The following KLF12 variants were observed in gnomAD, a reference collection of about 807,000 sequenced individuals.
KLF12 encodes Krueppel-like factor 12.
KLF12 carries 9 observed loss-of-function variants against 37.8 expected under a neutral mutation model. That is an observed-to-expected ratio of 0.24 (90% CI 0.14 to 0.42). The LOEUF is 0.42. Ranked by LOEUF, KLF12 falls within the 10% of genes least tolerant of loss-of-function variation. The pLI, the probability that KLF12 is intolerant of heterozygous loss-of-function variation, is 1.00. For missense variants in KLF12, 411 were observed against 516.0 expected (o/e 0.80, Z 1.97); for synonymous variants, 208 against 202.1 (o/e 1.03, Z -0.25).
chr13:73,731,925 G>C (rs940029879), intron 6 of KLF12, among the ~76,000 whole-genome samples: 1 of 152,064 alleles, frequency 6.6e-6, no homozygotes, highest in Non-Finnish European at 1.5e-5. Context: ...CCTAAGCTTT[G>C]GTTTCTTTTC....
At chr13:73,870,954 T>G (rs143211996) in intron 3 of KLF12, among the ~76,000 whole-genome samples, 5 of 152,340 alleles carry the variant, frequency 3.3e-5, no homozygotes, top group Non-Finnish European at 7.3e-5. Context: ...TTTAACATTT[T>G]TACTTATGCA....
At chr13:73,810,106 A>G (rs1480949507) in intron 5 of KLF12, among the ~76,000 whole-genome samples, 8 of 152,118 alleles carry the variant, frequency 5.3e-5, no homozygotes, top group Admixed American at 5.2e-4. Flanking sequence ...TTAGCTGGGC[A>G]TGGTGGCAGG....
chr13:73,832,262 C>T (rs758289634), intron 4 of KLF12, among the ~76,000 whole-genome samples: 1 of 152,168 alleles, frequency 6.6e-6, no homozygotes, highest in African/African-American at 2.4e-5. Flanking sequence ...TGAAACACTC[C>T]TACCTACTTT....
rs114570211 is a variant in KLF12, at chr13:73,983,968, T to C, written c.33+11022A>G. ...AGCCTTCCTCATGTGGAGACGTCCATTCATGTGACAGCACTGTCCTCTCCA... is the reference window on the plus strand; with the variant it reads ...AGCCTTCCTCATGTGGAGACGTCCACTCATGTGACAGCACTGTCCTCTCCA... On this transcript the variant is annotated intron_variant, in intron 2 of 7. Transcript: ENST00000377669. Among the ~76,000 whole-genome samples, 666 of 152,304 alleles carry C rather than the reference T, an allele frequency of 4.4e-3. 8 individuals carry two copies. Among genetic ancestry groups the C allele is most frequent in the African/African-American group, 0.015 (634 of 41,556 alleles).
rs1418387201 is a variant in KLF12 at position 73,690,918 on chromosome 13, A to G, written c.*4572T>C. 6.6e-6 allele frequency: 1 copy of G among 152,624 alleles called. No individual in the cohort carries two copies. The highest frequency in any genetic ancestry group is 2.4e-5 in the African/African-American group (1 of 41,456). 9.5% of individuals were successfully genotyped at this position (152,624 alleles called of 1,614,324 possible). A position where few individuals can be genotyped will look rare whatever the true frequency, so the allele number is the denominator to read the frequency against. ...TTTTCTTATGAAAATCTGGATTTCT[A>G]TTGCAATTGCTCAGTAATTAGCATA... On this transcript the variant is annotated 3_prime_UTR_variant, in exon 8 of 8. Coordinates refer to ENST00000377669, the MANE Select transcript of KLF12 (RefSeq NM_007249.5).
At chr13:74,187,757 A>C in the KLF12 span, among the ~76,000 whole-genome samples, 1 of 152,194 alleles carries the variant, frequency 6.6e-6, no homozygotes, top group East Asian at 1.9e-4. Context: ...GCAAGCCTTC[A>C]TTCTGGCATT....
the KLF12 span, chr13:74,258,891 A>G: frequency 2.0e-5 from 3 of 152,230 alleles, no homozygotes; most frequent in African/African-American, 7.2e-5. Context: ...TAGAGAAGTA[A>G]TACAGAGAAG....
chr13:73,971,647 T>C (rs2138107906), intron 2 of KLF12, among the ~76,000 whole-genome samples: 1 of 152,274 alleles, frequency 6.6e-6, no homozygotes, highest in South Asian at 2.1e-4. Context: ...TAATAGTGAC[T>C]AGTTTCATCA....
intron 1 of KLF12, among the ~76,000 whole-genome samples, chr13:74,119,012 CTT>C (rs1348379005): frequency 1.3e-5 from 2 of 152,136 alleles, no homozygotes; most frequent in East Asian, 3.8e-4. Context: ...CTACTGTTCT[CTT>C]ATATATAATG....
chr13:74,191,030 T>G, the KLF12 span, among the ~76,000 whole-genome samples: 2 of 152,326 alleles, frequency 1.3e-5, no homozygotes, highest in African/African-American at 4.8e-5. Context: ...TGCTTTACAC[T>G]CAATATGCTT....
At chr13:74,041,727 CACACA>C (rs1566515010) in intron 1 of KLF12, among the ~76,000 whole-genome samples, 9 of 151,388 alleles carry the variant, frequency 5.9e-5, no homozygotes, top group Non-Finnish European at 1.3e-4. Context: ...CACACACACA[CACACA>C]CCCCTTCAAA....
intron 4 of KLF12, among the ~76,000 whole-genome samples, chr13:73,823,584 G>A (rs2138519661): frequency 1.3e-5 from 2 of 152,316 alleles, no homozygotes; most frequent in Middle Eastern, 6.8e-3. Flanking sequence ...TAGAAGCAGA[G>A]TAGACGTTCT....
intron 5 of KLF12, among the ~76,000 whole-genome samples, chr13:73,803,799 C>G (rs1882418451): frequency 6.6e-6 from 1 of 151,334 alleles, no homozygotes; most frequent in Non-Finnish European, 1.5e-5. Flanking sequence ...CACACACACA[C>G]ACACACACAC....
chr13:73,913,180 T>C (rs1191443170), intron 3 of KLF12, among the ~76,000 whole-genome samples: 1 of 152,208 alleles, frequency 6.6e-6, no homozygotes, highest in Non-Finnish European at 1.5e-5. Flanking sequence ...CAGTGTTTGT[T>C]GCATAGACTA....
chr13:74,290,453 C>A, the KLF12 span, among the ~76,000 whole-genome samples: 1 of 152,168 alleles, frequency 6.6e-6, no homozygotes, highest in East Asian at 1.9e-4. Flanking sequence ...GAAAAGACTG[C>A]CGCATATTAC....
chr13:73,732,881 C>A (rs1246825205), intron 6 of KLF12, among the ~76,000 whole-genome samples: 1 of 152,150 alleles, frequency 6.6e-6, no homozygotes, highest in Non-Finnish European at 1.5e-5. Flanking sequence ...AAACCCACTC[C>A]TTTCCCAGTT....
chr13:74,234,570 T>C, the KLF12 span, among the ~76,000 whole-genome samples: 1 of 152,214 alleles, frequency 6.6e-6, no homozygotes, highest in Non-Finnish European at 1.5e-5. Flanking sequence ...AAGCTGTCCA[T>C]ATTTTTAAAA....
intron 6 of KLF12, among the ~76,000 whole-genome samples, chr13:73,739,871 C>CA (rs1248928412): frequency 1.8e-4 from 27 of 152,334 alleles, no homozygotes; most frequent in African/African-American, 6.3e-4. Context: ...ATCTTTTAAA[C>CA]AAATTGTGTA....
chr13:74,148,403 C>CTTTTTTTT, the KLF12 span, among the ~76,000 whole-genome samples: 184 of 73,476 alleles, frequency 2.5e-3, 2 homozygotes, highest in Non-Finnish European at 3.2e-3. Flanking sequence ...CAAAACTGCT[C>CTTTTTTTT]TTTTTTTTTT....
Sources: gnomAD v4.1 joint callset for allele counts (sites outside exome capture counted in the v4.1 genomes callset) on GRCh38, gnomAD v4.1.1 for gene constraint, MANE v1.5 for transcripts, NCBI Gene and HGNC (gene_info 2026-07-23, HGNC 2026-07-21) for gene names.